CNTNAP2: variants seen among roughly 807,000 people sequenced by gnomAD.
CNTNAP2 encodes contactin-associated protein-like 2.
Under a neutral mutation model 155.2 loss-of-function variants are expected in CNTNAP2, and 98 were observed. That is an observed-to-expected ratio of 0.63 (90% confidence interval 0.54 to 0.75). CNTNAP2 has a LOEUF of 0.75. Among genes scored for constraint, CNTNAP2 ranks in the 30% least tolerant of loss-of-function variants. The probability of loss-of-function intolerance (pLI) is 0.00; values close to 1 mark genes in which losing one functional copy is unlikely to be tolerated. For synonymous variants in CNTNAP2, 651 were observed against 631.2 expected (o/e 1.03, Z -0.47); for missense variants, 1,727 against 1,688.1 (o/e 1.02, Z -0.40).
chr7:146,721,406 A>G (rs1441528154), intron 1 of CNTNAP2, among the ~76,000 whole-genome samples: 10 of 130,152 alleles, frequency 7.7e-5, no homozygotes, highest in African/African-American at 3.0e-4. Flanking sequence ...TACATTCTAT[A>G]TATATTCTAT....
chr7:146,973,075 C>T (rs1328365771), intron 3 of CNTNAP2, among the ~76,000 whole-genome samples: 1 of 152,172 alleles, frequency 6.6e-6, no homozygotes, highest in Non-Finnish European at 1.5e-5. Flanking sequence ...GTTTCTCAGG[C>T]TGGAGTGCAA....
chr7:147,326,138 A>G (rs887022628), intron 9 of CNTNAP2, among the ~76,000 whole-genome samples: 1 of 152,102 alleles, frequency 6.6e-6, no homozygotes, highest in South Asian at 2.1e-4. Context: ...GTTAGCCAGG[A>G]TGGTCTCGAT....
rs117514289 is a variant in CNTNAP2, at chr7:147,303,029, G to C, written c.1498+2739G>C. Among the ~76,000 whole-genome samples, 374 of 152,312 alleles carry C rather than the reference G, an allele frequency of 2.5e-3. 1 individual carries two copies. The highest frequency in any genetic ancestry group is 3.9e-3 in the Non-Finnish European group (268 of 68,020). On this transcript the variant is annotated intron_variant, in intron 9 of 23. Coordinates refer to ENST00000361727, the MANE Select transcript of CNTNAP2 (RefSeq NM_014141.6). ...TCAGCTACACCCAGAGCTGGTGCCA[G>C]GTGACAGAAAGCCTCCTCAGCGAAT...
chr7:147,850,041 C>G (rs1474091970), intron 13 of CNTNAP2: 1 of 152,174 alleles, frequency 6.6e-6, no homozygotes, highest in Non-Finnish European at 1.5e-5. Flanking sequence ...ATATGTATTA[C>G]TGGGGAAGAT....
intron 1 of CNTNAP2, among the ~76,000 whole-genome samples, chr7:146,319,742 G>A (rs1028773018): frequency 6.6e-6 from 1 of 152,154 alleles, no homozygotes; most frequent in East Asian, 1.9e-4. Context: ...TTATTTTAGT[G>A]TGTGTTAGTG....
intron 13 of CNTNAP2, among the ~76,000 whole-genome samples, chr7:147,729,171 A>G (rs975259742): frequency 2.6e-5 from 4 of 151,736 alleles, no homozygotes; most frequent in Non-Finnish European, 5.9e-5. Context: ...CCAGAGCTCA[A>G]GTGATCCTCC....
chr7:148,410,838 C>G (rs1731832430), intron 23 of CNTNAP2, among the ~76,000 whole-genome samples: 1 of 152,000 alleles, frequency 6.6e-6, no homozygotes, highest in Non-Finnish European at 1.5e-5. Flanking sequence ...TGCAAACATA[C>G]AGTAAGAAAG....
intron 9 of CNTNAP2, among the ~76,000 whole-genome samples, chr7:147,319,408 C>T (rs1795302489): frequency 6.6e-6 from 1 of 152,128 alleles, no homozygotes; most frequent in Non-Finnish European, 1.5e-5. Flanking sequence ...ACAACAGTCT[C>T]ACTCTGTTGC....
In CNTNAP2 at chr7:147,148,339, G is replaced by A. The variant is rs1038819257; in HGVS notation, c.1348+15830G>A. On this transcript the variant is annotated intron_variant, in intron 8 of 23. Transcript: ENST00000361727. Reference sequence around the variant, plus strand: ...CGGGAGGCGGAGCTTGCAGTGAGCCGAGATCCCGCCACTGCACTCCAGCCT... The same window carrying A: ...CGGGAGGCGGAGCTTGCAGTGAGCCAAGATCCCGCCACTGCACTCCAGCCT... 1.6e-4 allele frequency among the ~76,000 whole-genome samples: 23 copies of A among 142,614 alleles called. No individual in the cohort carries two copies. In the South Asian group the frequency reaches 3.1e-3, roughly 19 times the overall value. 93.6% of individuals were successfully genotyped at this position (142,614 alleles called of 152,430 possible). A position where few individuals can be genotyped will look rare whatever the true frequency, so the allele number is the denominator to read the frequency against.
intron 12 of CNTNAP2, among the ~76,000 whole-genome samples, chr7:147,595,952 T>C (rs1367908570): frequency 6.6e-6 from 1 of 152,194 alleles, no homozygotes; most frequent in East Asian, 1.9e-4. Context: ...CGTATAAATG[T>C]TTTGTTTTTG....
In CNTNAP2 at chr7:146,431,988, G is replaced by C. The variant is rs903397010; in HGVS notation, c.97+315015G>C. 6.6e-5 allele frequency among the ~76,000 whole-genome samples: 10 copies of C among 152,034 alleles called. No homozygotes were observed. In the East Asian group the frequency reaches 1.7e-3, roughly 26 times the overall value. ...AAAACATAAATGCTCAATCATTAAAGGTGGTGAAGATAGCTCTTTCTCATC... is the reference window on the plus strand; with the variant it reads ...AAAACATAAATGCTCAATCATTAAACGTGGTGAAGATAGCTCTTTCTCATC... On this transcript the variant is annotated intron_variant, in intron 1 of 23. Coordinates refer to ENST00000361727, the MANE Select transcript of CNTNAP2 (RefSeq NM_014141.6).
At chr7:147,865,774 T>A (rs777008571) in intron 13 of CNTNAP2, among the ~76,000 whole-genome samples, 19 of 152,184 alleles carry the variant, frequency 1.2e-4, no homozygotes, top group Non-Finnish European at 2.6e-4. Context: ...GGTGGTGATA[T>A]CCCCTTTATA....
chr7:147,149,096 G>A (rs116015849), intron 8 of CNTNAP2, among the ~76,000 whole-genome samples: 2,689 of 152,236 alleles, frequency 0.018, 64 homozygotes, highest in African/African-American at 0.06. Context: ...ATTTGACCCC[G>A]CACACATCCT....
chr7:146,590,052 A>G (rs1798757650), intron 1 of CNTNAP2, among the ~76,000 whole-genome samples: 2 of 152,218 alleles, frequency 1.3e-5, no homozygotes, highest in African/African-American at 4.8e-5. Flanking sequence ...GCTGTGTGCC[A>G]GGAGGAAAGA....
chr7:147,143,953 G>A (rs1801650122), intron 8 of CNTNAP2, among the ~76,000 whole-genome samples: 1 of 152,122 alleles, frequency 6.6e-6, no homozygotes, highest in Non-Finnish European at 1.5e-5. Context: ...AAATATAAAT[G>A]TGCATGATTA....
In CNTNAP2 at chr7:147,779,598, C is replaced by G. The variant is rs578217483; in HGVS notation, c.2099-123967C>G. ...AGCAATCCCGAAGTGCAGGAAGATACACGCTGTTGCAAAACTGTTAAATGA... is the reference window on the plus strand; with the variant it reads ...AGCAATCCCGAAGTGCAGGAAGATAGACGCTGTTGCAAAACTGTTAAATGA... On this transcript the variant is annotated intron_variant, in intron 13 of 23. Coordinates refer to ENST00000361727, the MANE Select transcript of CNTNAP2 (RefSeq NM_014141.6). Among the ~76,000 whole-genome samples the G allele has an allele frequency of 2.6e-5, 4 of 152,222 alleles. No homozygotes were observed. The South Asian group carries it at 8.3e-4, about 32-fold the overall frequency.
intron 1 of CNTNAP2, among the ~76,000 whole-genome samples, chr7:146,214,954 A>G (rs918409344): frequency 1.4e-4 from 22 of 152,268 alleles, no homozygotes; most frequent in African/African-American, 5.1e-4. Flanking sequence ...TGCTTTGCCA[A>G]TCCTTCCGAA....
At chr7:146,246,221 AC>A (rs1799649367) in intron 1 of CNTNAP2, among the ~76,000 whole-genome samples, 1 of 150,772 alleles carries the variant, frequency 6.6e-6, no homozygotes, top group African/African-American at 2.5e-5. Context: ...AGTATCTTAT[AC>A]TTGTGGGTTA....
chr7:147,101,358 C>G (rs765696623), intron 4 of CNTNAP2, among the ~76,000 whole-genome samples: 2 of 152,322 alleles, frequency 1.3e-5, no homozygotes, highest in Non-Finnish European at 2.9e-5. Context: ...ATTTCTCGCT[C>G]AAGCCCCTTT....
Sources: allele counts gnomAD v4.1 joint callset (sites outside exome capture counted in the v4.1 genomes callset), GRCh38; gene constraint gnomAD v4.1.1; transcripts MANE v1.5; gene names NCBI Gene and HGNC (gene_info 2026-07-23, HGNC 2026-07-21).